Variants in PRIM2 observed in about 807,000 individuals in gnomAD.
The protein encoded by PRIM2 is DNA primase subunit 2, also known as DNA primase large subunit.
Under a neutral mutation model 67.3 loss-of-function variants are expected in PRIM2, and 39 were observed. The observed-to-expected ratio is 0.58, with a 90% CI of 0.45 to 0.76. The LOEUF is 0.76. Ranked by LOEUF, PRIM2 falls within the 30% of genes least tolerant of loss-of-function variation. The pLI is 0.00. For synonymous variants in PRIM2, 143 were observed against 198.7 expected, an observed-to-expected ratio of 0.72 and a Z score of 2.36; for missense variants, 398 against 598.7, an observed-to-expected ratio of 0.66 and a Z score of 3.50.
At chr6:57,331,830 G>A (rs1768066824) in intron 5 of PRIM2, among the ~76,000 whole-genome samples, 1 of 151,478 alleles carries the variant, frequency 6.6e-6, no homozygotes, top group African/African-American at 2.4e-5. Context: ...CAGTGTTACT[G>A]GATTTGTTCA....
chr6:57,636,203 A>G (rs1216741176), intron 13 of PRIM2, among the ~76,000 whole-genome samples: 8 of 152,214 alleles, frequency 5.3e-5, no homozygotes, highest in Non-Finnish European at 8.8e-5. Context: ...CAGGCAAGGA[A>G]AGAAACAAAA....
chr6:57,532,105 A>G (rs1239808704), intron 8 of PRIM2, among the ~76,000 whole-genome samples: 6 of 152,196 alleles, frequency 3.9e-5, no homozygotes, highest in African/African-American at 1.4e-4. Context: ...GCTGTTAATA[A>G]AGGATAAATG....
the PRIM2 span, among the ~76,000 whole-genome samples, chr6:57,251,874 T>G: frequency 1.1e-4 from 16 of 152,324 alleles, no homozygotes; most frequent in Admixed American, 5.9e-4. Flanking sequence ...AATTCAGCTG[T>G]AAACTTCCTT....
intron 8 of PRIM2, among the ~76,000 whole-genome samples, chr6:57,526,091 A>G (rs1290849990): frequency 4.6e-5 from 7 of 152,092 alleles, no homozygotes; most frequent in Non-Finnish European, 1.0e-4. Flanking sequence ...TTATGCATTT[A>G]TATGGTTCTG....
At chr6:57,557,719 A>T (rs1383278831) in intron 10 of PRIM2, among the ~76,000 whole-genome samples, 1 of 151,962 alleles carries the variant, frequency 6.6e-6, no homozygotes, top group African/African-American at 2.4e-5. Context: ...AACTGCTATG[A>T]TGTGAGTTTA....
chr6:57,311,198 C>A, upstream of PRIM2, among the ~76,000 whole-genome samples: 1 of 146,442 alleles, frequency 6.8e-6, no homozygotes, highest in Non-Finnish European at 1.5e-5. Flanking sequence ...CCCCTCACCT[C>A]CCAGACGGGG....
intron 13 of PRIM2, among the ~76,000 whole-genome samples, chr6:57,644,773 C>A (rs1777305795): frequency 6.6e-6 from 1 of 152,002 alleles, no homozygotes. Flanking sequence ...ATGAAAATAC[C>A]ACCCAAGAAA....
intron 10 of PRIM2, among the ~76,000 whole-genome samples, chr6:57,555,165 T>G (rs1392199110): frequency 1.3e-5 from 2 of 152,242 alleles, no homozygotes; most frequent in African/African-American, 4.8e-5. Flanking sequence ...ATGGCTGATT[T>G]AAAGTAAACT....
the PRIM2 span, among the ~76,000 whole-genome samples, chr6:57,278,123 T>C: frequency 1.3e-5 from 2 of 151,862 alleles, no homozygotes; most frequent in South Asian, 4.2e-4. Context: ...AGTTGAGAGT[T>C]TGAGACCATC....
At chr6:57,442,297 C>T (rs1351997517) in intron 7 of PRIM2, among the ~76,000 whole-genome samples, 9 of 152,058 alleles carry the variant, frequency 5.9e-5, no homozygotes, top group African/African-American at 2.4e-5. Flanking sequence ...AGTTAGTTAA[C>T]ATTGTAGCAG....
At chr6:57,344,488 A>ATT (rs1413866064) in intron 5 of PRIM2, among the ~76,000 whole-genome samples, 1 of 151,698 alleles carries the variant, frequency 6.6e-6, no homozygotes, top group African/African-American at 2.4e-5. Context: ...AGCACTGTGT[A>ATT]TTTCTGTTAC....
chr6:57,408,960 G>A (rs7772993), intron 7 of PRIM2, among the ~76,000 whole-genome samples: 1 of 152,066 alleles, frequency 6.6e-6, no homozygotes, highest in Non-Finnish European at 1.5e-5. Context: ...CCTCATCTAT[G>A]TTGTTTCATG....
At chr6:57,455,468 TCC>T (rs1772734332) in intron 7 of PRIM2, among the ~76,000 whole-genome samples, 1 of 152,220 alleles carries the variant, frequency 6.6e-6, no homozygotes, top group Admixed American at 6.5e-5. Flanking sequence ...TTCTGGGTGC[TCC>T]TGTATTGGGT....
At chr6:57,604,183 G>A (rs1776520931) in intron 11 of PRIM2, among the ~76,000 whole-genome samples, 1 of 152,056 alleles carries the variant, frequency 6.6e-6, no homozygotes, top group African/African-American at 2.4e-5. Flanking sequence ...CAGGCATGGT[G>A]GCGTGCACCT....
intron 12 of PRIM2, among the ~76,000 whole-genome samples, chr6:57,628,609 A>G (rs1466987496): frequency 1.3e-5 from 2 of 152,164 alleles, no homozygotes; most frequent in Non-Finnish European, 2.9e-5. Context: ...TGAACATAGT[A>G]CCTGATAGGT....
the PRIM2 span, among the ~76,000 whole-genome samples, chr6:57,242,088 C>T: frequency 1.3e-5 from 2 of 152,078 alleles, no homozygotes; most frequent in African/African-American, 4.8e-5. Flanking sequence ...ATAATATTAA[C>T]AATAATAAGT....
At chr6:57,630,988 A>G (rs1777030073) in intron 12 of PRIM2, among the ~76,000 whole-genome samples, 1 of 152,218 alleles carries the variant, frequency 6.6e-6, no homozygotes, top group African/African-American at 2.4e-5. Flanking sequence ...GTTGGCTGGC[A>G]TTTACACAGG....
At chr6:57,273,700 A>G in the PRIM2 span, among the ~76,000 whole-genome samples, 1 of 151,984 alleles carries the variant, frequency 6.6e-6, no homozygotes, top group Admixed American at 6.6e-5. Flanking sequence ...GAGGAGAGGC[A>G]CTCTGGTTTT....
intron 5 of PRIM2, among the ~76,000 whole-genome samples, chr6:57,372,738 G>A (rs1321326275): frequency 6.6e-6 from 1 of 152,146 alleles, no homozygotes; most frequent in Non-Finnish European, 1.5e-5. Context: ...GTTTGTTAAG[G>A]ATAATGGCCT....
Sources: allele counts gnomAD v4.1 joint callset (sites outside exome capture counted in the v4.1 genomes callset), GRCh38; gene constraint gnomAD v4.1.1; transcripts MANE v1.5; gene names NCBI Gene and HGNC (gene_info 2026-07-23, HGNC 2026-07-21).